Variants in CAPG observed in about 807,000 individuals in gnomAD.
CAPG encodes the protein capping actin protein, gelsolin like.
A neutral mutation model predicts 44.6 loss-of-function variants in CAPG; 32 were observed. The ratio of observed to expected loss-of-function variants is 0.72; its 90% CI spans 0.54 to 0.96. The LOEUF (loss-of-function observed/expected upper bound fraction) is 0.96, where lower values mean the gene tolerates loss of function less well. Ranked by LOEUF, CAPG falls within the 50% of genes least tolerant of loss-of-function variation. CAPG has a pLI of 0.00. For synonymous variants in CAPG, 175 were observed against 179.6 expected (o/e 0.97, Z 0.20); for missense variants, 412 against 438.3 (o/e 0.94, Z 0.54).
intron 1 of CAPG, chr2:85,408,859 A>C (rs1430480815): frequency 1.3e-5 from 2 of 152,302 alleles, no homozygotes; most frequent in African/African-American, 4.8e-5. Context: ...GAAAGCGCTA[A>C]AGTTCTTATC....
chr2:85,392,539 T>A (rs573620018), downstream of CAPG, among the ~76,000 whole-genome samples: 3 of 152,228 alleles, frequency 2.0e-5, no homozygotes, highest in African/African-American at 7.2e-5. Flanking sequence ...GCAGGCCTCT[T>A]TAAGTCTGAC....
intron 1 of CAPG, among the ~76,000 whole-genome samples, chr2:85,404,628 A>G (rs867064508): frequency 3.1e-4 from 47 of 152,082 alleles, no homozygotes; most frequent in Middle Eastern, 6.8e-3. Context: ...TGCGTCTGTA[A>G]TCCCAGCTAC....
At chr2:85,398,448 TTC>T in intron 7 of CAPG, 1 of 590,504 alleles carries the variant, frequency 1.7e-6, no homozygotes, top group South Asian at 2.0e-5. Flanking sequence ...CAGCATTGGC[TTC>T]AAGCCTTCAC....
intron 1 of CAPG, among the ~76,000 whole-genome samples, chr2:85,417,774 G>A (rs1687599189): frequency 1.3e-5 from 2 of 152,078 alleles, no homozygotes; most frequent in South Asian, 4.1e-4. Context: ...GTGAGCCACT[G>A]CGCCCGGCCA....
upstream of CAPG, chr2:85,413,912 G>A (rs192072367): frequency 4.5e-4 from 69 of 152,344 alleles, no homozygotes; most frequent in African/African-American, 1.7e-3. Context: ...CCCCCGAACC[G>A]GCTAAGCCCG....
upstream of CAPG, among the ~76,000 whole-genome samples, chr2:85,411,194 T>G (rs1687398368): frequency 6.6e-6 from 1 of 152,198 alleles, no homozygotes; most frequent in South Asian, 2.1e-4. Flanking sequence ...CCATAAAACA[T>G]TCTTCACCAT....
At chr2:85,392,639 C>T (rs575735526), downstream of CAPG, among the ~76,000 whole-genome samples, 1 of 152,324 alleles carries the variant, frequency 6.6e-6, no homozygotes, top group African/African-American at 2.4e-5. Flanking sequence ...AGCAGGATGC[C>T]TCAAGGGTGG....
upstream of CAPG, among the ~76,000 whole-genome samples, chr2:85,410,816 T>A (rs1159402681): frequency 2.0e-5 from 3 of 152,154 alleles, no homozygotes; most frequent in Non-Finnish European, 4.4e-5. Context: ...CTCCTTGCCC[T>A]GAATGCAAGT....
intron 1 of CAPG, among the ~76,000 whole-genome samples, chr2:85,404,875 G>A (rs1687074148): frequency 6.6e-6 from 1 of 151,452 alleles, no homozygotes; most frequent in Non-Finnish European, 1.5e-5. Context: ...GATAGAGGCT[G>A]CAGTAAGCCA....
chr2:85,407,650 T>A lies in CAPG; in HGVS notation c.-14+2667A>T, dbSNP rs574417464. 2.1e-5 allele frequency among the ~76,000 whole-genome samples: 3 copies of A among 143,462 alleles called. No homozygotes were observed. The South Asian group carries it at 6.7e-4, about 32-fold the overall frequency. 94.1% of individuals were successfully genotyped at this position (143,462 alleles called of 152,430 possible). On this transcript the variant is annotated intron_variant, in intron 1 of 9. Transcript: ENST00000263867. ...ATTGCTTGAACCTGGGAGGTGGAGG[T>A]TGCAGTAAGCCGAGATCACACCACT... is the stretch of plus-strand genomic sequence containing the variant.
Position 85,401,906 on chromosome 2 carries a change from C to T in CAPG, c.75G>A (p.Arg25=), listed in dbSNP as rs373390653. The part of the protein sequence containing the change: ...SVQDPGLHVW[R]VEKLKPVPVA... ...CAGGCACCGGCTTCAGCTTCTCCACCCGCCACACATGCAGGCCTGGATCCT... is the reference window on the plus strand; with the variant it reads ...CAGGCACCGGCTTCAGCTTCTCCACTCGCCACACATGCAGGCCTGGATCCT... Residue 25 remains arginine (R), a synonymous_variant, in exon 3 of 10, where the codon CGG becomes CGA. Coordinates refer to ENST00000263867, the MANE Select transcript of CAPG (RefSeq NM_001747.4). The T allele has an allele frequency of 3.7e-6, 6 of 1,614,082 alleles. No homozygotes were observed. In the Admixed American group the frequency reaches 6.7e-5, roughly 18 times the overall value.
At position 85,401,603 on chromosome 2, in the gene CAPG, C is replaced by T. The variant is rs755099333; in HGVS notation, c.277G>A (p.Val93Met). Residue 93 changes from valine to methionine, a missense_variant, in exon 4 of 10, where the codon GTG becomes ATG. Coordinates refer to ENST00000263867, the MANE Select transcript of CAPG (RefSeq NM_001747.4). ...TTGCCCTGCACCTCGCGGTGCTGCA[C>T]AGGCCGCTCTCCCAGCAGCGTGTTG... Reference protein sequence around the residue: ...HLNTLLGERPVQHREVQGNES... With the variant: ...HLNTLLGERPMQHREVQGNES... 2 of 1,614,042 alleles carry T rather than the reference C, an allele frequency of 1.2e-6. No individual in the cohort carries two copies. The highest frequency in any genetic ancestry group is 2.7e-5 in the African/African-American group (2 of 74,942).
intron 1 of CAPG, among the ~76,000 whole-genome samples, chr2:85,410,073 C>T (rs1687351949): frequency 1.3e-5 from 2 of 152,256 alleles, no homozygotes; most frequent in African/African-American, 4.8e-5. Context: ...CCCACCCATC[C>T]TCCCGGGCAG....
intron 8 of CAPG, among the ~76,000 whole-genome samples, chr2:85,397,040 G>A (rs147649600): frequency 1.3e-3 from 195 of 152,200 alleles, no homozygotes; most frequent in African/African-American, 4.4e-3. Flanking sequence ...CTGCCCAACA[G>A]TGTTTCTATT....
rs954125396 is a variant in CAPG, at chr2:85,399,049, G to T, written c.666+87C>A. On this transcript the variant is annotated intron_variant, in intron 6 of 9. Transcript: ENST00000263867. ...CAGATGGCCCCTGCCACCCTCCACC[G>T]GCCACTCTCAGCCCTCAGCTCATCA... 4 of 1,467,374 alleles carry T rather than the reference G, an allele frequency of 2.7e-6. 1 individual carries two copies. Among genetic ancestry groups the T allele is most frequent in the Non-Finnish European group, 3.8e-6 (4 of 1,062,944 alleles). 90.9% of individuals were successfully genotyped at this position (1,467,374 alleles called of 1,614,324 possible).
chr2:85,418,534 G>A (rs1208725328), upstream of CAPG: 1 of 150,394 alleles, frequency 6.6e-6, no homozygotes, highest in Admixed American at 6.6e-5. Context: ...GGCCTGTGGT[G>A]CCTTTGCTGA....
chr2:85,417,483 T>C (rs1433306642), intron 1 of CAPG, among the ~76,000 whole-genome samples: 3 of 145,560 alleles, frequency 2.1e-5, no homozygotes, highest in African/African-American at 7.7e-5. Context: ...AGCTCTTTTT[T>C]TTTTTTTTTT....
intron 1 of CAPG, among the ~76,000 whole-genome samples, chr2:85,406,393 G>A (rs918713101): frequency 1.3e-5 from 2 of 152,190 alleles, no homozygotes; most frequent in African/African-American, 4.8e-5. Flanking sequence ...GCCCATCTGT[G>A]TGCTTGTAAA....
At chr2:85,397,847 A>G (rs1481024671) in intron 8 of CAPG, among the ~76,000 whole-genome samples, 173 bp downstream of exon 8, 1 of 152,180 alleles carries the variant, frequency 6.6e-6, no homozygotes, top group Non-Finnish European at 1.5e-5. Context: ...GAAAGAACCC[A>G]TCTCTATCTT....
Sources: allele counts gnomAD v4.1 joint callset (sites outside exome capture counted in the v4.1 genomes callset), GRCh38; gene constraint gnomAD v4.1.1; transcripts MANE v1.5; gene names NCBI Gene and HGNC (gene_info 2026-07-23, HGNC 2026-07-21).